UBASH3B: variants seen among roughly 807,000 people sequenced by gnomAD.
UBASH3B encodes ubiquitin associated and SH3 domain containing B, also known as ubiquitin-associated and SH3 domain-containing protein B.
In UBASH3B, 37 loss-of-function variants were observed where a neutral mutation model predicts 83.4. The observed-to-expected ratio is 0.44, with a 90% confidence interval of 0.34 to 0.58. UBASH3B has a LOEUF of 0.58. Ranked by LOEUF, UBASH3B falls within the 20% of genes least tolerant of loss-of-function variation. UBASH3B has a pLI of 0.01. For missense variants in UBASH3B, 657 were observed against 827.2 expected (o/e 0.79, Z 2.52); for synonymous variants, 304 against 318.3 (o/e 0.96, Z 0.48).
intron 1 of UBASH3B, among the ~76,000 whole-genome samples, chr11:122,711,138 C>G (rs1864185401): frequency 1.3e-5 from 2 of 152,156 alleles, no homozygotes; most frequent in Non-Finnish European, 2.9e-5. Context: ...AGAATCTCCT[C>G]AGTTAATTCT....
intron 2 of UBASH3B, among the ~76,000 whole-genome samples, chr11:122,776,620 G>T (rs1228980067): frequency 6.6e-6 from 1 of 152,116 alleles, no homozygotes; most frequent in East Asian, 1.9e-4. Flanking sequence ...CCCTACCCAG[G>T]GTGGGTCCTA....
At position 122,768,508 on chromosome 11, in the gene UBASH3B, G is replaced by GTATATA. The variant is rs3031285; in HGVS notation, c.162-7703_162-7698dup. Among the ~76,000 whole-genome samples the GTATATA allele has an allele frequency of 5.1e-3, 691 of 134,386 alleles. 5 individuals are homozygous for GTATATA. Among genetic ancestry groups the GTATATA allele is most frequent in the African/African-American group, 0.016 (584 of 35,714 alleles). 88.2% of individuals were successfully genotyped at this position (134,386 alleles called of 152,430 possible). A position where few individuals can be genotyped will look rare whatever the true frequency, so the allele number is the denominator to read the frequency against. Reference sequence around the variant, plus strand: ...TGTGTGTGTGTGTGTGTGTGTGTGTGTATATATATATATTTGAGACTGAGC... The same window carrying GTATATA: ...TGTGTGTGTGTGTGTGTGTGTGTGTGTATATATATATATATATATTTGAGACTGAGC... On this transcript the variant is annotated intron_variant, in intron 1 of 13. Transcript: ENST00000284273.
Position 122,767,533 on chromosome 11 carries a change from G to T in UBASH3B, c.162-8686G>T, listed in dbSNP as rs182516643. Among the ~76,000 whole-genome samples, 121 of 151,696 alleles carry T rather than the reference G, an allele frequency of 8.0e-4. 2 individuals are homozygous for T. In the East Asian group the frequency reaches 0.021, roughly 26 times the overall value. On this transcript the variant is annotated intron_variant, in intron 1 of 13. Coordinates refer to ENST00000284273, the MANE Select transcript of UBASH3B (RefSeq NM_032873.5). ...TCACCATGTTGGCCAGGATGGTCTC[G>T]ATCTCTTGACCTCGTGATCCACCCG...
chr11:122,656,239 G>A, intron 1 of UBASH3B, 29 bp downstream of exon 1: 1 of 1,389,430 alleles, frequency 7.2e-7, no homozygotes, highest in Non-Finnish European at 9.4e-7. Context: ...AGCCCTCGGC[G>A]ACCCCTCCCG....
intron 9 of UBASH3B, 81 bp downstream of exon 9, chr11:122,797,114 C>T (rs1251027537): frequency 2.7e-6 from 4 of 1,492,112 alleles, no homozygotes; most frequent in South Asian, 1.3e-5. Context: ...ATGCAAGACA[C>T]TTCCTGTGGG....
At chr11:122,808,317 G>A in intron 13 of UBASH3B, 141 bp downstream of exon 13, 2 of 751,998 alleles carry the variant, frequency 2.7e-6, no homozygotes, top group Non-Finnish European at 4.8e-6. Context: ...CAACCAAGAT[G>A]TATTGAGTGA....
At chr11:122,777,943 T>C (rs975320343) in intron 3 of UBASH3B, among the ~76,000 whole-genome samples, 20 of 152,252 alleles carry the variant, frequency 1.3e-4, no homozygotes, top group Non-Finnish European at 2.6e-4. Flanking sequence ...TTGGCCAGGC[T>C]GGTCTTGAAC....
chr11:122,742,528 C>T (rs968119541), intron 1 of UBASH3B, among the ~76,000 whole-genome samples: 4 of 152,200 alleles, frequency 2.6e-5, no homozygotes, highest in Non-Finnish European at 5.9e-5. Context: ...CCAGTCTGGG[C>T]TTGTTTTGCG....
chr11:122,727,421 G>A (rs912279056), intron 1 of UBASH3B: 5 of 152,194 alleles, frequency 3.3e-5, no homozygotes, highest in Non-Finnish European at 7.3e-5. Context: ...CTCAGAGGAA[G>A]GAAGTTGTCT....
At chr11:122,721,016 T>A (rs112635276) in intron 1 of UBASH3B, among the ~76,000 whole-genome samples, 2 of 151,470 alleles carry the variant, frequency 1.3e-5, no homozygotes, top group Non-Finnish European at 2.9e-5. Context: ...GAGGCCGAGG[T>A]GGGCAGATCA....
At chr11:122,805,099 G>A (rs1417328580) in intron 11 of UBASH3B, among the ~76,000 whole-genome samples, 1 of 152,180 alleles carries the variant, frequency 6.6e-6, no homozygotes, top group African/African-American at 2.4e-5. Context: ...AAAAGAAAGA[G>A]GTTTAACTGG....
intron 4 of UBASH3B, among the ~76,000 whole-genome samples, chr11:122,781,414 T>C (rs1860850429): frequency 6.6e-6 from 1 of 152,110 alleles, no homozygotes; most frequent in Non-Finnish European, 1.5e-5. Context: ...AAAACCCAAA[T>C]CCTTCACAAA....
intron 1 of UBASH3B, among the ~76,000 whole-genome samples, chr11:122,754,679 C>T (rs1030517303): frequency 2.6e-5 from 4 of 152,216 alleles, no homozygotes; most frequent in Admixed American, 2.0e-4. Flanking sequence ...TCAGCCCACA[C>T]CTCAGCCACT....
intron 6 of UBASH3B, among the ~76,000 whole-genome samples, chr11:122,790,293 G>C (rs1022459122): frequency 6.6e-6 from 1 of 152,094 alleles, no homozygotes; most frequent in African/African-American, 2.4e-5. Flanking sequence ...ATCCAAAGAT[G>C]GGAAAGAATA....
chr11:122,744,203 C>G (rs1861073741), intron 1 of UBASH3B, among the ~76,000 whole-genome samples: 1 of 152,174 alleles, frequency 6.6e-6, no homozygotes, highest in Non-Finnish European at 1.5e-5. Flanking sequence ...AGTACTGCCG[C>G]TTGAATGGCT....
chr11:122,688,446 TTGTTTG>T (rs1565529395), intron 1 of UBASH3B, among the ~76,000 whole-genome samples: 1 of 99,442 alleles, frequency 1.0e-5, no homozygotes, highest in African/African-American at 3.5e-5. Context: ...GTTTTGTGGT[TTGTTTG>T]TTTTTTTTTT....
chr11:122,659,598 A>C (rs1341877904), intron 1 of UBASH3B, among the ~76,000 whole-genome samples: 1 of 152,226 alleles, frequency 6.6e-6, no homozygotes, highest in Non-Finnish European at 1.5e-5. Flanking sequence ...GAGCAAGGGC[A>C]TCGGGCTTAG....
At chr11:122,734,283 C>T (rs1333479676) in intron 1 of UBASH3B, among the ~76,000 whole-genome samples, 1 of 152,168 alleles carries the variant, frequency 6.6e-6, no homozygotes, top group African/African-American at 2.4e-5. Flanking sequence ...CAACTGTGGG[C>T]CTTATCAACA....
In UBASH3B at chr11:122,688,471, A is replaced by T. The variant is rs1438799381; in HGVS notation, c.161+32261A>T. On this transcript the variant is annotated intron_variant, in intron 1 of 13. Coordinates refer to ENST00000284273, the MANE Select transcript of UBASH3B (RefSeq NM_032873.5). ...TTGTTTGTTTTTTTTTTTGAGACGG[A>T]GTCTGGCTCTGTTGCCCAGGCTGGA... Among the ~76,000 whole-genome samples, 3 of 127,260 alleles carry T rather than the reference A, an allele frequency of 2.4e-5. No homozygotes were observed. In the East Asian group the frequency reaches 7.1e-4, roughly 30 times the overall value. 83.5% of individuals were successfully genotyped at this position (127,260 alleles called of 152,430 possible).
Sources: allele counts gnomAD v4.1 joint callset (sites outside exome capture counted in the v4.1 genomes callset), GRCh38; gene constraint gnomAD v4.1.1; transcripts MANE v1.5; gene names NCBI Gene and HGNC (gene_info 2026-07-23, HGNC 2026-07-21).